The following EPHB1 variants were observed in gnomAD, a reference collection of about 807,000 sequenced individuals.
EPHB1 encodes the protein EPH receptor B1.
EPHB1 carries 30 observed loss-of-function variants against 94.4 expected under a neutral mutation model. That is an observed-to-expected ratio of 0.32 (90% CI 0.24 to 0.43). The LOEUF is 0.43. Ranked by LOEUF, EPHB1 falls within the 20% of genes least tolerant of loss-of-function variation. EPHB1 has a pLI of 1.00. For synonymous variants in EPHB1, 522 were observed against 489.1 expected (o/e 1.07, Z -0.89); for missense variants, 1,055 against 1,308.3 (o/e 0.81, Z 2.99).
At chr3:134,974,786 C>A (rs1331415468) in intron 3 of EPHB1, among the ~76,000 whole-genome samples, 1 of 152,130 alleles carries the variant, frequency 6.6e-6, no homozygotes, top group African/African-American at 2.4e-5. Context: ...AGACTGTGAG[C>A]TCCCCAAAGC....
At chr3:134,979,703 T>A (rs1934333911) in intron 3 of EPHB1, among the ~76,000 whole-genome samples, 1 of 152,218 alleles carries the variant, frequency 6.6e-6, no homozygotes, top group Non-Finnish European at 1.5e-5. Flanking sequence ...ATGTTAGGTG[T>A]ATTAAATGCA....
chr3:135,222,136 G>A (rs551000591), intron 12 of EPHB1, among the ~76,000 whole-genome samples: 2 of 152,278 alleles, frequency 1.3e-5, no homozygotes, highest in African/African-American at 4.8e-5. Flanking sequence ...CCTAAGTGAG[G>A]TATTTACTTC....
At chr3:135,147,553 G>A (rs1941052394) in intron 5 of EPHB1, among the ~76,000 whole-genome samples, 1 of 152,212 alleles carries the variant, frequency 6.6e-6, no homozygotes, top group South Asian at 2.1e-4. Context: ...CACTGTGCAG[G>A]CTGGGGCAGC....
intron 3 of EPHB1, among the ~76,000 whole-genome samples, chr3:134,965,911 G>A (rs1218334072): frequency 2.0e-5 from 3 of 152,186 alleles, no homozygotes; most frequent in Admixed American, 6.5e-5. Context: ...CCCAGGGGTT[G>A]GTGGCCTTGA....
intron 3 of EPHB1, among the ~76,000 whole-genome samples, chr3:135,023,809 T>A (rs529929115): frequency 6.6e-6 from 1 of 152,342 alleles, no homozygotes; most frequent in African/African-American, 2.4e-5. Context: ...AGAAACTGTG[T>A]CAGGCATTGC....
At chr3:134,968,471 A>C (rs1320368201) in intron 3 of EPHB1, among the ~76,000 whole-genome samples, 1 of 152,232 alleles carries the variant, frequency 6.6e-6, no homozygotes, top group Non-Finnish European at 1.5e-5. Context: ...AGTGGAAACC[A>C]TCCATCTAGT....
At chr3:134,964,634 C>G (rs886385186) in intron 3 of EPHB1, among the ~76,000 whole-genome samples, 1 of 152,224 alleles carries the variant, frequency 6.6e-6, no homozygotes, top group South Asian at 2.1e-4. Context: ...GTCTGTCACA[C>G]ACATGCCCAC....
chr3:134,907,749 G>T (rs2038363779), intron 1 of EPHB1, among the ~76,000 whole-genome samples: 1 of 151,956 alleles, frequency 6.6e-6, no homozygotes, highest in African/African-American at 2.4e-5. Flanking sequence ...GTAGAACTTG[G>T]CTGTATTACT....
Position 134,832,472 on chromosome 3 carries a change from G to A in EPHB1, c.58+36783G>A, listed in dbSNP as rs570402454. ...TTGCACCACCCTGAGACCTGTTCAT[G>A]GCGGTTGCTCTTCTGTCTTCTGGCT... On this transcript the variant is annotated intron_variant, in intron 1 of 15. Coordinates refer to ENST00000398015, the MANE Select transcript of EPHB1 (RefSeq NM_004441.5). Among the ~76,000 whole-genome samples the A allele has an allele frequency of 3.3e-5, 5 of 152,312 alleles. No homozygotes were observed. The East Asian group carries it at 9.6e-4, about 29-fold the overall frequency.
intron 2 of EPHB1, among the ~76,000 whole-genome samples, chr3:134,950,234 T>A (rs1932970537): frequency 6.6e-6 from 1 of 152,250 alleles, no homozygotes; most frequent in African/African-American, 2.4e-5. Context: ...CTCACTTTTC[T>A]AATGTGAATC....
chr3:134,822,457 ATATT>A (rs2036400598), intron 1 of EPHB1, among the ~76,000 whole-genome samples: 1 of 152,118 alleles, frequency 6.6e-6, no homozygotes, highest in Non-Finnish European at 1.5e-5. Flanking sequence ...TAACCAACAT[ATATT>A]TATTTATTTT....
At chr3:135,198,363 T>A (rs550558226) in intron 11 of EPHB1, among the ~76,000 whole-genome samples, 1 of 152,364 alleles carries the variant, frequency 6.6e-6, no homozygotes, top group African/African-American at 2.4e-5. Context: ...TCTTGCCTAC[T>A]GCACAGGACT....
At chr3:135,174,096 C>G (rs1941899654) in intron 9 of EPHB1, among the ~76,000 whole-genome samples, 1 of 152,174 alleles carries the variant, frequency 6.6e-6, no homozygotes, top group Admixed American at 6.5e-5. Flanking sequence ...AGCTATTTTT[C>G]CAACCTCCAG....
intron 9 of EPHB1, among the ~76,000 whole-genome samples, chr3:135,177,011 C>G (rs1941998233): frequency 6.6e-6 from 1 of 152,136 alleles, no homozygotes; most frequent in Admixed American, 6.5e-5. Flanking sequence ...CAAACACTTC[C>G]TAGAACAATT....
At chr3:135,020,155 T>C (rs1185392700) in intron 3 of EPHB1, among the ~76,000 whole-genome samples, 1 of 152,254 alleles carries the variant, frequency 6.6e-6, no homozygotes, top group Non-Finnish European at 1.5e-5. Flanking sequence ...TTACTTATTA[T>C]TTTAAGTGTT....
intron 3 of EPHB1, among the ~76,000 whole-genome samples, chr3:134,957,453 A>G (rs6439537): frequency 0.5 from 75,588 of 151,988 alleles, 19,688 homozygotes; most frequent in African/African-American, 0.64. Context: ...CAGGCTGGCA[A>G]CTGGGTAGAC....
chr3:134,997,599 C>A (rs2107740960), intron 3 of EPHB1, among the ~76,000 whole-genome samples: 1 of 152,280 alleles, frequency 6.6e-6, no homozygotes, highest in East Asian at 1.9e-4. Context: ...AGCTTCAGTA[C>A]TACTCTTTCC....
At chr3:134,968,763 G>A (rs935123020) in intron 3 of EPHB1, among the ~76,000 whole-genome samples, 1 of 152,036 alleles carries the variant, frequency 6.6e-6, no homozygotes, top group Non-Finnish European at 1.5e-5. Context: ...CCAGTGATTT[G>A]TTTTTCATCA....
intron 10 of EPHB1, among the ~76,000 whole-genome samples, chr3:135,184,639 G>C (rs1942282735): frequency 6.6e-6 from 1 of 152,166 alleles, no homozygotes; most frequent in African/African-American, 2.4e-5. Context: ...TGGAGAACTA[G>C]GTAGTGTTTG....
Sources: allele counts gnomAD v4.1 joint callset (sites outside exome capture counted in the v4.1 genomes callset), GRCh38; gene constraint gnomAD v4.1.1; transcripts MANE v1.5; gene names NCBI Gene and HGNC (gene_info 2026-07-23, HGNC 2026-07-21).